The following NCAM2 variants were observed in gnomAD, a reference collection of about 807,000 sequenced individuals.
The protein encoded by NCAM2 is N-CAM-2.
NCAM2 carries 30 observed loss-of-function variants against 98.1 expected under a neutral mutation model. The ratio of observed to expected loss-of-function variants is 0.31; its 90% confidence interval spans 0.23 to 0.41. The LOEUF (loss-of-function observed/expected upper bound fraction) is 0.41. Ranked by LOEUF, NCAM2 falls within the 10% of genes least tolerant of loss-of-function variation. The pLI is 1.00. For synonymous variants in NCAM2, 368 were observed against 342.4 expected (o/e 1.07, Z -0.83); for missense variants, 867 against 1,005.8 (o/e 0.86, Z 1.87).
intron 1 of NCAM2, among the ~76,000 whole-genome samples, chr21:21,113,795 G>T (rs1450990849): frequency 1.3e-5 from 2 of 151,500 alleles, no homozygotes; most frequent in African/African-American, 2.4e-5. Context: ...AAGATTATAA[G>T]GCTTAAAGCA....
intron 1 of NCAM2, among the ~76,000 whole-genome samples, chr21:21,058,101 T>A (rs1427547034): frequency 2.4e-5 from 3 of 122,598 alleles, no homozygotes; most frequent in African/African-American, 1.0e-4. Context: ...TGATTATATA[T>A]AATGAACAAA....
chr21:21,073,516 T>G lies in NCAM2; in HGVS notation c.55+74898T>G, dbSNP rs2146374017. Among the ~76,000 whole-genome samples the G allele has an allele frequency of 3.3e-5, 5 of 152,362 alleles. 1 individual carries two copies. In the South Asian group the frequency reaches 1.0e-3, roughly 32 times the overall value. On this transcript the variant is annotated intron_variant, in intron 1 of 17. Transcript: ENST00000400546. Reference sequence around the variant, plus strand: ...AAAATACATTGCATCCTGTGTTATATCTAATGTATTATGCCTCACTCATAA... The same window carrying G: ...AAAATACATTGCATCCTGTGTTATAGCTAATGTATTATGCCTCACTCATAA...
In NCAM2 at chr21:21,254,949, ATGTGTGTG is replaced by A. The variant is rs58330278; in HGVS notation, c.56-25605_56-25598del. 8.3e-3 allele frequency among the ~76,000 whole-genome samples: 1,223 copies of A among 148,224 alleles called. 12 individuals carry two copies. The highest frequency in any genetic ancestry group is 0.025 in the African/African-American group (1,015 of 40,150). On this transcript the variant is annotated intron_variant, in intron 1 of 17. Coordinates refer to ENST00000400546, the MANE Select transcript of NCAM2 (RefSeq NM_004540.5). ...GTATGTGTACCCACATAGCATATCT[ATGTGTGTG>A]TGTGTGTGTGTGTGTGTGTGTGTAT...
intron 16 of NCAM2, among the ~76,000 whole-genome samples, chr21:21,521,855 T>G (rs761920290): frequency 1.3e-5 from 2 of 151,780 alleles, no homozygotes; most frequent in Non-Finnish European, 2.9e-5. Context: ...AGAAGAAATA[T>G]TTGAAGCAAT....
rs10685980 is a variant in NCAM2, at chr21:21,056,490, C to CTGTGTGTGTGTGTG, written c.55+57893_55+57906dup. On this transcript the variant is annotated intron_variant, in intron 1 of 17. Coordinates refer to ENST00000400546, the MANE Select transcript of NCAM2 (RefSeq NM_004540.5). Reference sequence around the variant, plus strand: ...TTTAGAGCAAGTGACAGAGATATGTCTGTGTGTGTGTGTGTGTGTGTGTGT... The same window carrying CTGTGTGTGTGTGTG: ...TTTAGAGCAAGTGACAGAGATATGTCTGTGTGTGTGTGTGTGTGTGTGTGTGTGTGTGTGTGTGT... Among the ~76,000 whole-genome samples the CTGTGTGTGTGTGTG allele has an allele frequency of 3.8e-4, 53 of 138,432 alleles. 1 individual carries two copies. Among genetic ancestry groups the CTGTGTGTGTGTGTG allele is most frequent in the Non-Finnish European group, 5.4e-4 (35 of 64,676 alleles). 90.8% of individuals were successfully genotyped at this position (138,432 alleles called of 152,430 possible). A position where few individuals can be genotyped will look rare whatever the true frequency, so the allele number is the denominator to read the frequency against.
intron 1 of NCAM2, among the ~76,000 whole-genome samples, chr21:21,256,237 T>A (rs1166323160): frequency 6.6e-6 from 1 of 151,902 alleles, no homozygotes; most frequent in Admixed American, 6.6e-5. Flanking sequence ...GCGCCTGTAA[T>A]CCTAGCAACT....
chr21:21,474,275 G>T (rs921747869), intron 14 of NCAM2, among the ~76,000 whole-genome samples: 1 of 152,026 alleles, frequency 6.6e-6, no homozygotes, highest in African/African-American at 2.4e-5. Context: ...ACATGTTAGA[G>T]CTCCCTTTGG....
At chr21:21,169,959 AAAAAT>A (rs779558673) in intron 1 of NCAM2, among the ~76,000 whole-genome samples, 8 of 152,286 alleles carry the variant, frequency 5.3e-5, no homozygotes, top group African/African-American at 1.9e-4. Context: ...CCCGTCTCAA[AAAAAT>A]AAAATAAAAT....
At chr21:21,466,544 T>A in intron 12 of NCAM2, 62 bp from the exon 13 acceptor site, 3 of 1,185,012 alleles carry the variant, frequency 2.5e-6, no homozygotes, top group Non-Finnish European at 3.4e-6. Context: ...TATTAAAATG[T>A]GTCCAATTAG....
chr21:21,106,043 C>T (rs968607113), intron 1 of NCAM2, among the ~76,000 whole-genome samples: 6 of 151,608 alleles, frequency 4.0e-5, no homozygotes, highest in South Asian at 2.1e-4. Flanking sequence ...GGTATGTGTA[C>T]GTGTGTATGT....
intron 15 of NCAM2, among the ~76,000 whole-genome samples, chr21:21,506,720 G>T (rs2146348440): frequency 6.6e-6 from 1 of 152,106 alleles, no homozygotes; most frequent in Middle Eastern, 3.4e-3. Flanking sequence ...AAAATTCCCG[G>T]ATACTAGCTA....
chr21:21,375,180 G>T (rs1470261409), intron 9 of NCAM2, among the ~76,000 whole-genome samples: 2 of 144,306 alleles, frequency 1.4e-5, no homozygotes, highest in Non-Finnish European at 3.0e-5. Context: ...AAAAAGGAAA[G>T]AAATTCCCAT....
intron 1 of NCAM2, among the ~76,000 whole-genome samples, chr21:21,234,348 A>G (rs1205421313): frequency 6.6e-6 from 1 of 151,934 alleles, no homozygotes; most frequent in Non-Finnish European, 1.5e-5. Flanking sequence ...TATACAAGAC[A>G]CTATGTGAGC....
At chr21:21,291,242 A>G (rs1456647324) in intron 4 of NCAM2, among the ~76,000 whole-genome samples, 4 of 151,922 alleles carry the variant, frequency 2.6e-5, no homozygotes, top group South Asian at 2.1e-4. Flanking sequence ...AATTTTAGAT[A>G]TTGCCTGTAC....
chr21:21,301,502 A>G (rs996510405), intron 5 of NCAM2, among the ~76,000 whole-genome samples: 1 of 141,970 alleles, frequency 7.0e-6, no homozygotes, highest in Admixed American at 7.1e-5. Flanking sequence ...GTCATCTAGC[A>G]TTAGGTATAT....
chr21:21,523,784 A>G (rs1314456395), intron 16 of NCAM2, among the ~76,000 whole-genome samples: 2 of 152,116 alleles, frequency 1.3e-5, no homozygotes, highest in African/African-American at 4.8e-5. Flanking sequence ...TTAAAGAAAG[A>G]TAACTGATAT....
chr21:21,410,209 A>T, intron 9 of NCAM2, 65 bp from the exon 10 acceptor site: 1 of 834,680 alleles, frequency 1.2e-6, no homozygotes, highest in Non-Finnish European at 1.7e-6. Flanking sequence ...TAATGCTTAT[A>T]CTACTTAAAT....
intron 15 of NCAM2, among the ~76,000 whole-genome samples, chr21:21,492,525 C>G (rs1488301451): frequency 6.6e-6 from 1 of 151,822 alleles, no homozygotes; most frequent in East Asian, 1.9e-4. Context: ...AAATGAATAT[C>G]AAATTAAATT....
chr21:21,343,890 A>G (rs552986947), intron 8 of NCAM2, among the ~76,000 whole-genome samples: 1 of 152,152 alleles, frequency 6.6e-6, no homozygotes, highest in African/African-American at 2.4e-5. Context: ...GTGGGGAGGA[A>G]TGTGACATAC....
Sources: gnomAD v4.1 joint callset for allele counts (sites outside exome capture counted in the v4.1 genomes callset) on GRCh38, gnomAD v4.1.1 for gene constraint, MANE v1.5 for transcripts, NCBI Gene and HGNC (gene_info 2026-07-23, HGNC 2026-07-21) for gene names.